The following OTUD7A variants were observed in gnomAD, a reference collection of about 807,000 sequenced individuals.
The protein encoded by OTUD7A is OTU domain-containing protein 7A.
Under a neutral mutation model 65.7 loss-of-function variants are expected in OTUD7A, and 12 were observed. That is an observed-to-expected ratio of 0.18 (90% CI 0.12 to 0.30). The LOEUF is 0.30. Among genes scored for constraint, OTUD7A ranks in the 10% least tolerant of loss-of-function variants. The pLI is 1.00. For missense variants in OTUD7A, 1,148 were observed against 1,304.8 expected (o/e 0.88, Z 1.85); for synonymous variants, 641 against 586.3 (o/e 1.09, Z -1.35).
chr15:31,846,989 G>A (rs754883296), intron 1 of OTUD7A, among the ~76,000 whole-genome samples: 2 of 152,150 alleles, frequency 1.3e-5, no homozygotes, highest in African/African-American at 4.8e-5. Flanking sequence ...GCCAAGGGTC[G>A]CCTTGTTGTT....
intron 1 of OTUD7A, among the ~76,000 whole-genome samples, chr15:31,835,774 A>C (rs1166613577): frequency 6.6e-6 from 1 of 152,184 alleles, no homozygotes; most frequent in Non-Finnish European, 1.5e-5. Context: ...ATCTGTATAC[A>C]CATACACATG....
intron 4 of OTUD7A, among the ~76,000 whole-genome samples, chr15:31,562,796 C>T (rs762016419): frequency 1.7e-4 from 26 of 152,162 alleles, no homozygotes; most frequent in Non-Finnish European, 2.9e-4. Context: ...CTAAAGCCGT[C>T]GAAGACAGTA....
chr15:31,649,094 C>T (rs1473248886), intron 3 of OTUD7A, among the ~76,000 whole-genome samples: 2 of 152,198 alleles, frequency 1.3e-5, no homozygotes, highest in East Asian at 1.9e-4. Context: ...ACCTATATGG[C>T]ACTGGGGGAT....
intron 1 of OTUD7A, chr15:31,766,541 T>C: frequency 6.2e-7 from 1 of 1,613,184 alleles, no homozygotes; most frequent in Non-Finnish European, 8.5e-7. Flanking sequence ...TTTCCATAGC[T>C]GTTTGCACAC....
rs1330527998 is a variant in OTUD7A, at chr15:31,699,236, C to T, written c.-99-42159G>A. ...CTGGGACTACAGGCGCCCGCCACCA[C>T]GCCCGGCTAATTTTTTGTAGTTTTA... On this transcript the variant is annotated intron_variant, in intron 1 of 12. Coordinates refer to ENST00000307050, the MANE Select transcript of OTUD7A (RefSeq NM_001382637.1). Among the ~76,000 whole-genome samples the T allele has an allele frequency of 2.6e-5, 4 of 151,988 alleles. No individual in the cohort carries two copies. In the South Asian group the frequency reaches 6.2e-4, roughly 24 times the overall value.
intron 1 of OTUD7A, among the ~76,000 whole-genome samples, chr15:31,820,662 G>A (rs1896656408): frequency 6.6e-6 from 1 of 152,126 alleles, no homozygotes; most frequent in Non-Finnish European, 1.5e-5. Context: ...CTTATAACAG[G>A]TCCCAACACT....
At chr15:31,608,803 T>C (rs755405801) in intron 3 of OTUD7A, among the ~76,000 whole-genome samples, 1 of 152,182 alleles carries the variant, frequency 6.6e-6, no homozygotes, top group Non-Finnish European at 1.5e-5. Context: ...GTGCGGAGGC[T>C]CGCATCATGA....
At chr15:31,826,589 A>T (rs1896803935) in intron 1 of OTUD7A, among the ~76,000 whole-genome samples, 1 of 152,224 alleles carries the variant, frequency 6.6e-6, no homozygotes, top group Non-Finnish European at 1.5e-5. Flanking sequence ...GGGGATTAAC[A>T]TTTGGTTCCT....
intron 10 of OTUD7A, among the ~76,000 whole-genome samples, chr15:31,500,726 A>G (rs2041455045): frequency 6.6e-6 from 1 of 152,248 alleles, no homozygotes; most frequent in Non-Finnish European, 1.5e-5. Flanking sequence ...GGAAAAGGTC[A>G]GAAGCAGACA....
chr15:31,690,370 G>A (rs1269331261), intron 1 of OTUD7A, among the ~76,000 whole-genome samples: 2 of 151,930 alleles, frequency 1.3e-5, no homozygotes, highest in Non-Finnish European at 2.9e-5. Context: ...GAAGGCTTGA[G>A]TAGTACTTTC....
At chr15:31,654,839 C>T (rs4779910) in intron 3 of OTUD7A, among the ~76,000 whole-genome samples, 29,081 of 152,050 alleles carry the variant, frequency 0.19, 3,008 homozygotes, top group East Asian at 0.25. Context: ...TTTTCGTCTC[C>T]GCTAACACAG....
At chr15:31,713,403 A>C (rs1893499580) in intron 1 of OTUD7A, among the ~76,000 whole-genome samples, 1 of 152,122 alleles carries the variant, frequency 6.6e-6, no homozygotes, top group Non-Finnish European at 1.5e-5. Context: ...CAGATCACTT[A>C]AGGTGGGGAG....
At chr15:31,755,751 G>A (rs1376892208) in intron 1 of OTUD7A, among the ~76,000 whole-genome samples, 1 of 151,920 alleles carries the variant, frequency 6.6e-6, no homozygotes, top group Non-Finnish European at 1.5e-5. Flanking sequence ...GGTCTTCAAC[G>A]TCAAAGAAAT....
intron 1 of OTUD7A, among the ~76,000 whole-genome samples, chr15:31,726,797 C>T (rs1272209937): frequency 6.6e-6 from 1 of 152,200 alleles, no homozygotes; most frequent in Non-Finnish European, 1.5e-5. Context: ...GGCATTGCCA[C>T]GGTTCTTTTT....
At chr15:31,532,598 G>GCC (rs1887664332) in intron 5 of OTUD7A, among the ~76,000 whole-genome samples, 1 of 151,852 alleles carries the variant, frequency 6.6e-6, no homozygotes, top group African/African-American at 2.4e-5. Flanking sequence ...AAAGTCTGGA[G>GCC]TCCGTAGAAG....
chr15:31,609,585 G>A (rs1890336554), intron 3 of OTUD7A, among the ~76,000 whole-genome samples: 1 of 152,136 alleles, frequency 6.6e-6, no homozygotes, highest in Admixed American at 6.5e-5. Context: ...CGGAGAGTCT[G>A]AGCTCAGACA....
intron 1 of OTUD7A, among the ~76,000 whole-genome samples, chr15:31,715,503 C>T (rs1002697331): frequency 6.6e-6 from 1 of 151,174 alleles, no homozygotes; most frequent in African/African-American, 2.5e-5. Context: ...ACTACATTCC[C>T]CATTATTTCA....
At chr15:31,568,356 G>A (rs965787408) in intron 4 of OTUD7A, among the ~76,000 whole-genome samples, 2 of 152,244 alleles carry the variant, frequency 1.3e-5, no homozygotes, top group African/African-American at 4.8e-5. Context: ...ACTTGTGTGA[G>A]GCCTGGAGCC....
Position 31,478,722 on chromosome 15 carries a change from G to C in OTUD7A, c.*4572C>G, listed in dbSNP as rs144101546. ...GAATAATAGATCTTTTGGCAAAGAA[G>C]GGACCTGCATAACTGCTAACAGGCC... On this transcript the variant is annotated 3_prime_UTR_variant, in exon 13 of 13. Transcript: ENST00000307050. The C allele has an allele frequency of 1.3e-4, 20 of 152,372 alleles. No individual in the cohort carries two copies. The highest frequency in any genetic ancestry group is 4.8e-4 in the African/African-American group (20 of 41,566). The allele number at this position is 152,372 out of a possible 1,614,324, so 9.4% of individuals were successfully genotyped here.
Sources: allele counts gnomAD v4.1 joint callset (sites outside exome capture counted in the v4.1 genomes callset), GRCh38; gene constraint gnomAD v4.1.1; transcripts MANE v1.5; gene names NCBI Gene and HGNC (gene_info 2026-07-23, HGNC 2026-07-21).